DAB1: variants seen among roughly 807,000 people sequenced by gnomAD.
DAB1 encodes disabled homolog 1.
A neutral mutation model predicts 64.6 loss-of-function variants in DAB1; 15 were observed. The observed-to-expected ratio is 0.23, with a 90% confidence interval of 0.16 to 0.36. The LOEUF (loss-of-function observed/expected upper bound fraction) is 0.36. Among genes scored for constraint, DAB1 ranks in the 10% least tolerant of loss-of-function variants. The pLI is 1.00. For synonymous variants in DAB1, 235 were observed against 251.9 expected, an observed-to-expected ratio of 0.93 and a Z score of 0.64; for missense variants, 596 against 706.7, an observed-to-expected ratio of 0.84 and a Z score of 1.78.
chr1:58,402,789 C>T (rs1354505486), intron 3 of DAB1, among the ~76,000 whole-genome samples: 1 of 152,176 alleles, frequency 6.6e-6, no homozygotes, highest in Non-Finnish European at 1.5e-5. Context: ...AGATAGACTT[C>T]CTGCCCCAGG....
At chr1:57,976,792 G>A (rs376658001) in intron 5 of DAB1, among the ~76,000 whole-genome samples, 2 of 152,138 alleles carry the variant, frequency 1.3e-5, no homozygotes, top group African/African-American at 4.8e-5. Flanking sequence ...TGTAAAATGG[G>A]TGCCATCCCT....
At chr1:57,514,013 A>G (rs1389181435) in intron 7 of DAB1, among the ~76,000 whole-genome samples, 1 of 152,196 alleles carries the variant, frequency 6.6e-6, no homozygotes, top group African/African-American at 2.4e-5. Flanking sequence ...AGTTGTCACA[A>G]ATGACAGAAT....
intron 5 of DAB1, among the ~76,000 whole-genome samples, chr1:57,950,077 G>T (rs1372640816): frequency 1.3e-5 from 2 of 152,120 alleles, no homozygotes; most frequent in East Asian, 1.9e-4. Context: ...GCCCTTCAAG[G>T]ATAATCTTAG....
intron 5 of DAB1, among the ~76,000 whole-genome samples, chr1:58,088,039 C>A (rs1650426380): frequency 6.6e-6 from 1 of 152,194 alleles, no homozygotes; most frequent in African/African-American, 2.4e-5. Flanking sequence ...GTTCTCCCAG[C>A]ATGTGTAGTA....
intron 7 of DAB1, among the ~76,000 whole-genome samples, chr1:57,525,342 T>C (rs544557538): frequency 1.1e-4 from 17 of 152,224 alleles, no homozygotes; most frequent in Non-Finnish European, 2.2e-4. Context: ...AAGGAAAGTT[T>C]GGAACTGTGT....
At chr1:57,348,483 C>A (rs1185319994) in intron 1 of DAB1, among the ~76,000 whole-genome samples, 1 of 152,146 alleles carries the variant, frequency 6.6e-6, no homozygotes, top group African/African-American at 2.4e-5. Flanking sequence ...AGGCCCAGTA[C>A]CAGATGCTAA....
intron 5 of DAB1, among the ~76,000 whole-genome samples, chr1:57,987,081 A>G (rs1646237234): frequency 6.6e-6 from 1 of 152,120 alleles, no homozygotes; most frequent in Non-Finnish European, 1.5e-5. Flanking sequence ...CCTTTGTTGG[A>G]TGGCTCTGAT....
At chr1:57,072,511 C>T (rs1012182990) in intron 4 of DAB1, 97 bp from the exon 5 acceptor site, 20 of 1,377,380 alleles carry the variant, frequency 1.5e-5, no homozygotes, top group African/African-American at 7.3e-5. Context: ...TGAACAGGCC[C>T]GAAGGGCTTT....
At chr1:58,338,412 C>A (rs1482806639) in intron 4 of DAB1, among the ~76,000 whole-genome samples, 3 of 152,118 alleles carry the variant, frequency 2.0e-5, no homozygotes, top group Non-Finnish European at 4.4e-5. Flanking sequence ...AGCTAGCCTT[C>A]ATATGGAATT....
intron 1 of DAB1, among the ~76,000 whole-genome samples, chr1:57,857,500 T>C (rs1653805941): frequency 6.6e-6 from 1 of 152,198 alleles, no homozygotes; most frequent in Non-Finnish European, 1.5e-5. Context: ...TTGTAGATAC[T>C]TTACATGTAA....
intron 6 of DAB1, among the ~76,000 whole-genome samples, chr1:57,803,471 G>A (rs186962869): frequency 6.6e-5 from 10 of 152,346 alleles, no homozygotes; most frequent in Non-Finnish European, 1.0e-4. Flanking sequence ...AACAACCTGA[G>A]TTGATGCAGT....
At chr1:57,831,280 A>G (rs576218641) in intron 1 of DAB1, among the ~76,000 whole-genome samples, 2 of 152,198 alleles carry the variant, frequency 1.3e-5, no homozygotes, top group South Asian at 4.1e-4. Context: ...AGGGAGAGAG[A>G]TTAGGAAACC....
intron 5 of DAB1, among the ~76,000 whole-genome samples, chr1:58,118,503 T>TATATATATACACACAC (rs1341446315): frequency 1.0e-3 from 53 of 53,092 alleles, no homozygotes; most frequent in East Asian, 2.6e-3. Flanking sequence ...TATATATATA[T>TATATATATACACACAC]ACACACACAC....
intron 4 of DAB1, among the ~76,000 whole-genome samples, chr1:58,224,383 C>A (rs1323445712): frequency 6.6e-6 from 1 of 152,182 alleles, no homozygotes; most frequent in East Asian, 1.9e-4. Context: ...AAAGGAACAG[C>A]ACTTTTTTGG....
intron 8 of DAB1, among the ~76,000 whole-genome samples, chr1:57,065,025 C>T (rs188458798): frequency 1.4e-4 from 22 of 152,280 alleles, no homozygotes; most frequent in African/African-American, 4.6e-4. Context: ...CTGCTCACTA[C>T]GGGCACTTAG....
At position 56,997,107 on chromosome 1, in the gene DAB1, C is replaced by G. The variant is rs1277644453; in HGVS notation, c.*1037G>C. ...CCATTAGAAAGTTGGTTTTTAAGAT[C>G]CAAAACCACATTACCAGAATTGTAC... On this transcript the variant is annotated 3_prime_UTR_variant, in exon 15 of 15. Transcript: ENST00000371236. 2 of 151,982 alleles carry G rather than the reference C, an allele frequency of 1.3e-5. No individual in the cohort carries two copies. The highest frequency in any genetic ancestry group is 2.9e-5 in the Non-Finnish European group (2 of 68,016). 9.4% of individuals were successfully genotyped at this position (151,982 alleles called of 1,614,324 possible). A position where few individuals can be genotyped will look rare whatever the true frequency, so the allele number is the denominator to read the frequency against.
chr1:57,177,280 C>T (rs1419814630), intron 2 of DAB1, among the ~76,000 whole-genome samples: 1 of 152,118 alleles, frequency 6.6e-6, no homozygotes, highest in Non-Finnish European at 1.5e-5. Flanking sequence ...TATACATACA[C>T]CCAAGTTCTA....
chr1:58,197,434 T>C (rs1657744103), intron 4 of DAB1, among the ~76,000 whole-genome samples: 2 of 151,100 alleles, frequency 1.3e-5, no homozygotes, highest in Non-Finnish European at 1.5e-5. Flanking sequence ...AGAGTCTTGC[T>C]CTGTCACCAG....
intron 7 of DAB1, among the ~76,000 whole-genome samples, chr1:57,608,454 T>A (rs553008068): frequency 5.9e-5 from 9 of 152,296 alleles, no homozygotes; most frequent in South Asian, 2.1e-4. Flanking sequence ...ACTGGTATAA[T>A]TCTAAAAGAA....
Sources: gnomAD v4.1 joint callset for allele counts (sites outside exome capture counted in the v4.1 genomes callset) on GRCh38, gnomAD v4.1.1 for gene constraint, MANE v1.5 for transcripts, NCBI Gene and HGNC (gene_info 2026-07-23, HGNC 2026-07-21) for gene names.